DOCK3: variants seen among roughly 807,000 people sequenced by gnomAD.
DOCK3 encodes dedicator of cytokinesis 3.
Under a neutral mutation model 265.6 loss-of-function variants are expected in DOCK3, and 60 were observed. The observed-to-expected ratio is 0.23, with a 90% confidence interval of 0.18 to 0.28. The LOEUF (loss-of-function observed/expected upper bound fraction) is 0.28, where lower values mean the gene tolerates loss of function less well. Among genes scored for constraint, DOCK3 ranks in the 10% least tolerant of loss-of-function variants. The pLI is 1.00. For synonymous variants in DOCK3, 881 were observed against 938.0 expected, an observed-to-expected ratio of 0.94 and a Z score of 1.11; for missense variants, 1,981 against 2,594.3, an observed-to-expected ratio of 0.76 and a Z score of 5.14.
chr3:51,264,828 A>AT (rs1295823761), intron 23 of DOCK3, among the ~76,000 whole-genome samples: 13 of 147,440 alleles, frequency 8.8e-5, no homozygotes, highest in African/African-American at 1.3e-4. Flanking sequence ...CTCAGTCTCA[A>AT]AAAATAAATA....
chr3:51,212,570 A>C (rs1326045600), intron 13 of DOCK3, among the ~76,000 whole-genome samples: 1 of 151,776 alleles, frequency 6.6e-6, no homozygotes, highest in Non-Finnish European at 1.5e-5. Context: ...ATATGATTTG[A>C]TAGCTACGTA....
intron 2 of DOCK3, among the ~76,000 whole-genome samples, chr3:50,794,655 A>C (rs1179677571): frequency 6.6e-6 from 1 of 152,164 alleles, no homozygotes; most frequent in Non-Finnish European, 1.5e-5. Flanking sequence ...CGAAGACAGC[A>C]TATTAATGGG....
chr3:51,214,057 G>T, intron 13 of DOCK3, 65 bp from the exon 14 acceptor site: 1 of 1,601,502 alleles, frequency 6.2e-7, no homozygotes. Flanking sequence ...ATGTGACTGT[G>T]TCTTTTCAAG....
chr3:51,204,171 T>G (rs1208481994), intron 12 of DOCK3, among the ~76,000 whole-genome samples: 2 of 147,756 alleles, frequency 1.4e-5, no homozygotes, highest in Non-Finnish European at 3.0e-5. Context: ...AAATGGGATC[T>G]AATTAAACTA....
chr3:51,275,647 G>A (rs1345573223), intron 25 of DOCK3, among the ~76,000 whole-genome samples: 2 of 152,022 alleles, frequency 1.3e-5, no homozygotes, highest in Admixed American at 6.6e-5. Context: ...CCTATACTGT[G>A]CCAAATGAGG....
At chr3:51,173,629 T>G (rs2086797058) in intron 12 of DOCK3, among the ~76,000 whole-genome samples, 1 of 152,248 alleles carries the variant, frequency 6.6e-6, no homozygotes, top group Admixed American at 6.5e-5. Flanking sequence ...TTTTAAGCAC[T>G]GAATATATCA....
chr3:51,041,369 C>G (rs892755393), intron 5 of DOCK3, among the ~76,000 whole-genome samples: 3 of 150,798 alleles, frequency 2.0e-5, no homozygotes, highest in African/African-American at 4.9e-5. Context: ...AGGTGCCCAC[C>G]ACCATGCTTG....
intron 10 of DOCK3, among the ~76,000 whole-genome samples, chr3:51,149,600 T>C (rs1289988046): frequency 6.6e-6 from 1 of 152,206 alleles, no homozygotes; most frequent in Non-Finnish European, 1.5e-5. Flanking sequence ...GAGATAATCA[T>C]GTGGTTTTTG....
chr3:51,201,361 A>C lies in DOCK3; in HGVS notation c.1038-7413A>C, dbSNP rs531431742. 6.0e-3 allele frequency among the ~76,000 whole-genome samples: 904 copies of C among 151,846 alleles called. 1 individual carries two copies. Among genetic ancestry groups the C allele is most frequent in the Middle Eastern group, 0.01 (3 of 294 alleles). ...CAAGCAAATGGAAAACAAAAAAAGG[A>C]AGGGGTTGCAATCCTAGTCTCTGAT... On this transcript the variant is annotated intron_variant, in intron 12 of 52. Transcript: ENST00000266037.
intron 22 of DOCK3, among the ~76,000 whole-genome samples, chr3:51,254,803 G>A (rs1194137854): frequency 6.6e-6 from 1 of 152,064 alleles, no homozygotes; most frequent in Non-Finnish European, 1.5e-5. Flanking sequence ...CACACTGATG[G>A]GTCTTGACTC....
intron 12 of DOCK3, 42 bp from the exon 13 acceptor site, chr3:51,208,732 T>G (rs1286398098): frequency 1.3e-6 from 2 of 1,535,020 alleles, no homozygotes; most frequent in Non-Finnish European, 1.8e-6. Flanking sequence ...GACCAGTTGT[T>G]TAAAATACTT....
At chr3:51,107,417 G>T (rs2083327865) in intron 9 of DOCK3, among the ~76,000 whole-genome samples, 2 of 152,192 alleles carry the variant, frequency 1.3e-5, no homozygotes, top group Non-Finnish European at 2.9e-5. Flanking sequence ...AGATCATTGA[G>T]ATTCAGAAGA....
chr3:51,041,162 GTATATATATATATATATATATATA>G (rs1167854334), intron 5 of DOCK3, among the ~76,000 whole-genome samples: 1,311 of 30,890 alleles, frequency 0.042, 45 homozygotes, highest in Non-Finnish European at 0.078. Flanking sequence ...CTTACAAAAT[GTATATATATATATATATATATATA>G]TATATATATA....
At chr3:50,893,663 G>T (rs551689748) in intron 4 of DOCK3, among the ~76,000 whole-genome samples, 1 of 151,906 alleles carries the variant, frequency 6.6e-6, no homozygotes, top group Non-Finnish European at 1.5e-5. Flanking sequence ...ATTATCACAC[G>T]TGGGGCAGGA....
intron 7 of DOCK3, among the ~76,000 whole-genome samples, chr3:51,080,415 T>A (rs1319008179): frequency 1.3e-5 from 2 of 152,182 alleles, no homozygotes; most frequent in African/African-American, 4.8e-5. Context: ...AAGTGCAAAG[T>A]CTAGAGTTAC....
intron 1 of DOCK3, among the ~76,000 whole-genome samples, chr3:50,696,226 A>G (rs11921421): frequency 1 from 152,334 of 152,334 alleles, 76,167 homozygotes; most frequent in Non-Finnish European, 1. Context: ...TTCCAGTCAG[A>G]AAAACTTCAG....
At chr3:50,844,962 C>A (rs994120156) in intron 3 of DOCK3, among the ~76,000 whole-genome samples, 4 of 152,142 alleles carry the variant, frequency 2.6e-5, no homozygotes, top group African/African-American at 9.7e-5. Flanking sequence ...GTAGCTCTTG[C>A]CTATAATCCC....
At chr3:51,320,406 T>C (rs1353191211) in intron 32 of DOCK3, among the ~76,000 whole-genome samples, 1 of 151,734 alleles carries the variant, frequency 6.6e-6, no homozygotes, top group Non-Finnish European at 1.5e-5. Flanking sequence ...GACACCAAGC[T>C]AGCTGCAGGA....
chr3:50,966,692 G>T (rs1307850208), intron 5 of DOCK3, among the ~76,000 whole-genome samples: 2 of 152,028 alleles, frequency 1.3e-5, no homozygotes, highest in Non-Finnish European at 2.9e-5. Flanking sequence ...GGAGTTTGAG[G>T]CAGGAGAATT....
Sources: gnomAD v4.1 joint callset for allele counts (sites outside exome capture counted in the v4.1 genomes callset) on GRCh38, gnomAD v4.1.1 for gene constraint, MANE v1.5 for transcripts, NCBI Gene and HGNC (gene_info 2026-07-23, HGNC 2026-07-21) for gene names.